Variants in NAB1 observed in about 807,000 individuals in gnomAD.
NAB1 encodes the protein NGFI-A-binding protein 1.
NAB1 carries 25 observed loss-of-function variants against 49.9 expected under a neutral mutation model. That is an observed-to-expected ratio of 0.50 (90% CI 0.37 to 0.70). The LOEUF (loss-of-function observed/expected upper bound fraction) is 0.70. Ranked by LOEUF, NAB1 falls within the 30% of genes least tolerant of loss-of-function variation. The probability of loss-of-function intolerance (pLI) is 0.00; values close to 1 mark genes in which losing one functional copy is unlikely to be tolerated. For synonymous variants in NAB1, 198 were observed against 215.6 expected (o/e 0.92, Z 0.71); for missense variants, 489 against 575.9 (o/e 0.85, Z 1.54).
Position 190,659,367 on chromosome 2 carries a change from A to G in NAB1, c.191A>G (p.His64Arg). ...ALVGMASKPL[H>R]VRRLQKALRD... Reference sequence around the variant, plus strand: ...GTGGGCATGGCTAGCAAGCCCCTTCATGTTAGAAGGCTGCAGAAGGCTTTG... The same window carrying G: ...GTGGGCATGGCTAGCAAGCCCCTTCGTGTTAGAAGGCTGCAGAAGGCTTTG... Residue 64 changes from histidine to arginine, a missense_variant, in exon 4 of 10, where the codon CAT (histidine) becomes CGT (arginine). Coordinates refer to ENST00000337386, the MANE Select transcript of NAB1 (RefSeq NM_005966.4). The surrounding 1 kb of genome is among the most constrained non-coding windows in gnomAD (Gnocchi z 6.2). 3 of 1,614,132 alleles carry G rather than the reference A, an allele frequency of 1.9e-6. No individual in the cohort carries two copies. The highest frequency in any genetic ancestry group is 2.5e-6 in the Non-Finnish European group (3 of 1,180,022).
intron 5 of NAB1, 120 bp from the exon 6 acceptor site, chr2:190,672,981 T>C: frequency 1.3e-6 from 1 of 789,702 alleles, no homozygotes. Context: ...AATATGTCAT[T>C]TCTGGTGTTG....
intron 6 of NAB1, among the ~76,000 whole-genome samples, chr2:190,683,179 C>T (rs760196792): frequency 2.6e-4 from 40 of 151,848 alleles, no homozygotes; most frequent in Non-Finnish European, 3.8e-4. Context: ...GGTGCAGTCT[C>T]GGCTCACTGC....
rs141555333 is a variant in NAB1 at position 190,659,746 on chromosome 2, G to A, written c.570G>A (p.Ala190=). The change falls in exon 4 of 10, where the codon GCG becomes GCA. Residue 190 remains alanine (A), a synonymous_variant. Coordinates refer to ENST00000337386, the MANE Select transcript of NAB1 (RefSeq NM_005966.4). This position sits in a 1 kb window ranked among gnomAD's most constrained non-coding sequence, Gnocchi z 6.2. ...SPASPKESSE[A]LDAAAALSVA... ...CGTCCCCAAAGGAGAGCAGTGAGGC[G>A]CTGGATGCTGCTGCTGCGCTCTCTG... is the stretch of plus-strand genomic sequence containing the variant. The A allele has an allele frequency of 1.6e-4, 262 of 1,614,020 alleles. 2 individuals carry two copies. The highest frequency in any genetic ancestry group is 1.1e-3 in the Admixed American group (66 of 60,006).
rs561541968 is a variant in NAB1 at position 190,687,726 on chromosome 2, T to G, written c.1375+409T>G. On this transcript the variant is annotated intron_variant, in intron 9 of 9. Coordinates refer to ENST00000337386, the MANE Select transcript of NAB1 (RefSeq NM_005966.4). ...GCTCTCACTAGTCTTTTTGCAAACT[T>G]CATATTCCGAACAATGACAGGGAAA... is the stretch of plus-strand genomic sequence containing the variant. Among the ~76,000 whole-genome samples, 11 of 152,276 alleles carry G rather than the reference T, an allele frequency of 7.2e-5. No individual in the cohort carries two copies. In the East Asian group the frequency reaches 2.1e-3, roughly 29 times the overall value.
intron 4 of NAB1, among the ~76,000 whole-genome samples, chr2:190,660,672 C>CAAGATA (rs1694176470): frequency 6.6e-6 from 1 of 152,154 alleles, no homozygotes; most frequent in Non-Finnish European, 1.5e-5. Flanking sequence ...AAAACTCAGC[C>CAAGATA]AAGAATAAGC....
chr2:190,673,002 G>T (rs535714889), intron 5 of NAB1, 99 bp from the exon 6 acceptor site: 4 of 963,856 alleles, frequency 4.2e-6, no homozygotes, highest in Admixed American at 4.4e-5. Flanking sequence ...GAGTTTCAGG[G>T]TATATGTTTT....
In NAB1 at chr2:190,659,038, A is replaced by T; in HGVS notation, c.-19-120A>T. The T allele has an allele frequency of 3.1e-6, 2 of 646,486 alleles. No individual in the cohort carries two copies. Among genetic ancestry groups the T allele is most frequent in the South Asian group, 2.1e-5 (1 of 47,548 alleles). 40.0% of individuals were successfully genotyped at this position (646,486 alleles called of 1,614,324 possible). A position where few individuals can be genotyped will look rare whatever the true frequency, so the allele number is the denominator to read the frequency against. On this transcript the variant is annotated intron_variant, in intron 3 of 9. Transcript: ENST00000337386. This position sits in a 1 kb window ranked among gnomAD's most constrained non-coding sequence, Gnocchi z 6.2. ...TATGTAGAGAGAATGCTGCCTTCAC[A>T]GGCAGTCACGATGCAGATGCTTCTC...
intron 8 of NAB1, 99 bp from the exon 9 acceptor site, chr2:190,687,102 C>T: frequency 1.8e-6 from 1 of 543,546 alleles, no homozygotes; most frequent in Non-Finnish European, 3.1e-6. Flanking sequence ...GTTGACTCTC[C>T]TCACTTTTTT....
intron 5 of NAB1, among the ~76,000 whole-genome samples, chr2:190,672,301 G>A (rs1355172056): frequency 6.6e-6 from 1 of 152,018 alleles, no homozygotes; most frequent in Non-Finnish European, 1.5e-5. Context: ...AATATGTTTT[G>A]TTGATTCTGA....
In NAB1 at chr2:190,681,199, T is replaced by TA. The variant is rs138083750; in HGVS notation, c.1006-2531dup. ...GGCTTTGAAGCTAGCGTTGTAGCTGTAAAAAAAAGGAAACCCAGTCTTGTC... is the reference window on the plus strand; with the variant it reads ...GGCTTTGAAGCTAGCGTTGTAGCTGTAAAAAAAAAGGAAACCCAGTCTTGTC... On this transcript the variant is annotated intron_variant, in intron 6 of 9. Transcript: ENST00000337386. 3.4e-3 allele frequency among the ~76,000 whole-genome samples: 512 copies of TA among 152,024 alleles called. 5 individuals are homozygous for TA. Among genetic ancestry groups the TA allele is most frequent in the African/African-American group, 0.011 (465 of 41,464 alleles).
chr2:190,653,870 A>G (rs1693791291), intron 2 of NAB1: 1 of 152,178 alleles, frequency 6.6e-6, no homozygotes, highest in Admixed American at 6.5e-5. Flanking sequence ...TTCTTGGGAG[A>G]ATAGCCATGT....
At position 190,680,067 on chromosome 2, in the gene NAB1, C is replaced by T. The variant is rs974886842; in HGVS notation, c.1006-3671C>T. On this transcript the variant is annotated intron_variant, in intron 6 of 9. Coordinates refer to ENST00000337386, the MANE Select transcript of NAB1 (RefSeq NM_005966.4). The surrounding 1 kb of genome is among the most constrained non-coding windows in gnomAD (Gnocchi z 5.2). ...TCTCAGTTGCCTTATTTCTGCGGCA[C>T]CTGCCACTGTCCAGGGCTGGGCCTT... Among the ~76,000 whole-genome samples, 4 of 152,190 alleles carry T rather than the reference C, an allele frequency of 2.6e-5. No homozygotes were observed. Among genetic ancestry groups the T allele is most frequent in the Non-Finnish European group, 4.4e-5 (3 of 68,038 alleles).
intron 6 of NAB1, among the ~76,000 whole-genome samples, chr2:190,683,297 ATT>A (rs767640681): frequency 0.15 from 11,414 of 75,104 alleles, 666 homozygotes; most frequent in East Asian, 0.33. Context: ...CTCCCAGCTA[ATT>A]TTTTTTTTTT....
chr2:190,668,819 C>G (rs1170724176), intron 4 of NAB1, among the ~76,000 whole-genome samples: 3 of 152,120 alleles, frequency 2.0e-5, no homozygotes, highest in Non-Finnish European at 4.4e-5. Context: ...TCCAAGACCC[C>G]CAGTTGGATG....
At position 190,675,741 on chromosome 2, in the gene NAB1, A is replaced by T. The variant is rs1243131134; in HGVS notation, c.1005+2589A>T. Reference sequence around the variant, plus strand: ...TTTCCCAGAAATAAGTAGTAACTACACCTTTGAATTTAGGACAGTGGCTCA... The same window carrying T: ...TTTCCCAGAAATAAGTAGTAACTACTCCTTTGAATTTAGGACAGTGGCTCA... On this transcript the variant is annotated intron_variant, in intron 6 of 9. Coordinates refer to ENST00000337386, the MANE Select transcript of NAB1 (RefSeq NM_005966.4). This position sits in a 1 kb window ranked among gnomAD's most constrained non-coding sequence, Gnocchi z 5.2. 6.6e-6 allele frequency among the ~76,000 whole-genome samples: 1 copy of T among 152,168 alleles called. No individual in the cohort carries two copies. Among genetic ancestry groups the T allele is most frequent in the Non-Finnish European group, 1.5e-5 (1 of 68,028 alleles).
At chr2:190,664,174 A>G (rs1332536998) in intron 4 of NAB1, among the ~76,000 whole-genome samples, 7 of 152,206 alleles carry the variant, frequency 4.6e-5, no homozygotes, top group Admixed American at 3.3e-4. Flanking sequence ...TGTCAGTAAA[A>G]AGAGTTGTGT....
chr2:190,680,203 A>G lies in NAB1; in HGVS notation c.1006-3535A>G, dbSNP rs1318400597. 6.6e-6 allele frequency among the ~76,000 whole-genome samples: 1 copy of G among 152,152 alleles called. No individual in the cohort carries two copies. Among genetic ancestry groups the G allele is most frequent in the Admixed American group, 6.5e-5 (1 of 15,280 alleles). ...ATGGGCTTTCTGAAATGCAAATCCG[A>G]TCAGTCTCTTCCCTGAGACTTTCAA... On this transcript the variant is annotated intron_variant, in intron 6 of 9. Coordinates refer to ENST00000337386, the MANE Select transcript of NAB1 (RefSeq NM_005966.4). The surrounding 1 kb of genome is among the most constrained non-coding windows in gnomAD (Gnocchi z 5.2).
At position 190,675,251 on chromosome 2, in the gene NAB1, G is replaced by A. The variant is rs181815047; in HGVS notation, c.1005+2099G>A. 8.5e-5 allele frequency among the ~76,000 whole-genome samples: 13 copies of A among 152,354 alleles called. No homozygotes were observed. The highest frequency in any genetic ancestry group is 3.4e-3 in the Middle Eastern group (1 of 294). ...ATTTCTCACCATTGGCCCTAAGTGTGATCATGATTCAGGCTGCTCACATTT... is the reference window on the plus strand; with the variant it reads ...ATTTCTCACCATTGGCCCTAAGTGTAATCATGATTCAGGCTGCTCACATTT... On this transcript the variant is annotated intron_variant, in intron 6 of 9. Transcript: ENST00000337386. This position sits in a 1 kb window ranked among gnomAD's most constrained non-coding sequence, Gnocchi z 5.2.
At position 190,657,237 on chromosome 2, in the gene NAB1, A is replaced by G. The variant is rs1332812882; in HGVS notation, c.-20+1084A>G. Among the ~76,000 whole-genome samples, 8 of 152,092 alleles carry G rather than the reference A, an allele frequency of 5.3e-5. No homozygotes were observed. The highest frequency in any genetic ancestry group is 5.2e-4 in the Admixed American group (8 of 15,274). On this transcript the variant is annotated intron_variant, in intron 3 of 9. Transcript: ENST00000337386. This position sits in a 1 kb window ranked among gnomAD's most constrained non-coding sequence, Gnocchi z 4.4. Reference sequence around the variant, plus strand: ...TTTTTGTGAGTTAGTGCCCAGGTGGATGATAGATTCTCCCTGGAGTGGGAG... The same window carrying G: ...TTTTTGTGAGTTAGTGCCCAGGTGGGTGATAGATTCTCCCTGGAGTGGGAG...
Sources: gnomAD v4.1 joint callset for allele counts (sites outside exome capture counted in the v4.1 genomes callset) on GRCh38, gnomAD v4.1.1 for gene constraint, Gnocchi (gnomAD v3.1) non-coding constraint, MANE v1.5 for transcripts, NCBI Gene and HGNC (gene_info 2026-07-23, HGNC 2026-07-21) for gene names.